SLCO2B1: variants seen among roughly 807,000 people sequenced by gnomAD.
The protein encoded by SLCO2B1 is OATP-RP2.
A neutral mutation model predicts 67.3 loss-of-function variants in SLCO2B1; 41 were observed. The ratio of observed to expected loss-of-function variants is 0.61; its 90% confidence interval spans 0.47 to 0.79. The LOEUF is 0.79. Ranked by LOEUF, SLCO2B1 falls within the 30% of genes least tolerant of loss-of-function variation. The pLI, the probability that SLCO2B1 is intolerant of heterozygous loss-of-function variation, is 0.00. For synonymous variants in SLCO2B1, 379 were observed against 381.4 expected (o/e 0.99, Z 0.07); for missense variants, 837 against 920.1 (o/e 0.91, Z 1.17).
In SLCO2B1 at chr11:75,193,247, C is replaced by T. The variant is rs543049597; in HGVS notation, c.1105C>T (p.Arg369Cys). 44 of 1,613,028 alleles carry T rather than the reference C, an allele frequency of 2.7e-5. No individual in the cohort carries two copies. Among genetic ancestry groups the T allele is most frequent in the African/African-American group, 1.3e-4 (10 of 75,038 alleles). ...VFPRVLLQTL[R>C]HPIFLLVVLS... ...CCCCAGGGTGCTGCTGCAGACCCTA[C>T]GCCACCCCATCTTCCTGCTGGTGGT... The change falls in exon 9 of 14, where the codon CGC becomes TGC. Residue 369 changes from arginine (R) to cysteine (C), a missense_variant. Physicochemically the swap from Arg to Cys is radical, Grantham distance 180. Coordinates refer to ENST00000289575, the MANE Select transcript of SLCO2B1 (RefSeq NM_007256.5). This position sits in a 1 kb window ranked among gnomAD's most constrained non-coding sequence, Gnocchi z 4.2.
chr11:75,157,644 CTA>C (rs1949763212), intron 1 of SLCO2B1, among the ~76,000 whole-genome samples: 2 of 152,144 alleles, frequency 1.3e-5, no homozygotes, highest in Admixed American at 1.3e-4. Context: ...CAAGGGCCAC[CTA>C]TATGCCAGGC....
chr11:75,190,887 G>A (rs527767550), intron 8 of SLCO2B1, among the ~76,000 whole-genome samples: 1 of 152,340 alleles, frequency 6.6e-6, no homozygotes, highest in East Asian at 1.9e-4. Context: ...GGGAAGCCCT[G>A]TCTCATGGCA....
At chr11:75,190,136 C>G (rs967242022) in intron 8 of SLCO2B1, among the ~76,000 whole-genome samples, 19 of 152,222 alleles carry the variant, frequency 1.2e-4, no homozygotes, top group Non-Finnish European at 1.5e-5. Flanking sequence ...GTCCCCGGCA[C>G]TCTGCGCTGC....
chr11:75,200,091 C>G, intron 10 of SLCO2B1, 133 bp from the exon 11 acceptor site: 2 of 894,590 alleles, frequency 2.2e-6, no homozygotes, highest in Non-Finnish European at 3.3e-6. Flanking sequence ...GTCACGATCT[C>G]GGACTCCCAG....
rs12422149 is a variant in SLCO2B1, at chr11:75,172,532, G to A, written c.935G>A (p.Arg312Gln). 201,187 of 1,613,902 alleles carry A rather than the reference G, an allele frequency of 0.12. 17,529 individuals are homozygous for A. The highest frequency in any genetic ancestry group is 0.39 in the Admixed American group (23,279 of 59,996). ...GAAAAACGTGAGCTTCAGTTTCGGC[G>A]AAAGGTCTTAGCAGTCACAGACTCA... ...PKEKRELQFR[R>Q]KVLAVTDSPA... The change falls in exon 7 of 14, where the codon CGA becomes CAA. Residue 312 changes from arginine (R) to glutamine (Q), a missense_variant. Arg to Gln is a conservative substitution (Grantham distance 43, BLOSUM62 1). Transcript: ENST00000289575.
At chr11:75,162,882 C>G in intron 2 of SLCO2B1, 97 bp downstream of exon 2, 1 of 1,389,216 alleles carries the variant, frequency 7.2e-7, no homozygotes, top group Non-Finnish European at 9.8e-7. Context: ...CTCTGAGCCT[C>G]GGTTTCCTCA....
intron 7 of SLCO2B1, among the ~76,000 whole-genome samples, chr11:75,186,740 C>A (rs1021198732): frequency 2.6e-5 from 4 of 152,226 alleles, no homozygotes; most frequent in Non-Finnish European, 4.4e-5. Context: ...ACTCCACTTG[C>A]CCACTTGTAT....
chr11:75,196,483 G>T, intron 9 of SLCO2B1, 31 bp from the exon 10 acceptor site: 1 of 1,603,280 alleles, frequency 6.2e-7, no homozygotes, highest in Non-Finnish European at 8.5e-7. Context: ...AGGGAAGCCA[G>T]GCCAACCCTA....
chr11:75,180,290 T>G (rs943742234), intron 7 of SLCO2B1, among the ~76,000 whole-genome samples: 1 of 152,248 alleles, frequency 6.6e-6, no homozygotes, highest in Non-Finnish European at 1.5e-5. Context: ...GTGTCTTAGC[T>G]ATTTTTAAGT....
intron 11 of SLCO2B1, chr11:75,201,768 T>C (rs1394897976): frequency 6.6e-6 from 1 of 152,254 alleles, no homozygotes; most frequent in Non-Finnish European, 1.5e-5. Context: ...TTTCATGCCC[T>C]CCCTGGCTGC....
chr11:75,151,446 A>G (rs1949686981), intron 1 of SLCO2B1, 49 bp downstream of exon 1: 1 of 1,604,240 alleles, frequency 6.2e-7, no homozygotes. Flanking sequence ...AGCCTGGGGG[A>G]CATGTTCCCA....
chr11:75,175,830 C>T (rs927210635), intron 7 of SLCO2B1, among the ~76,000 whole-genome samples: 73 of 152,292 alleles, frequency 4.8e-4, no homozygotes, highest in African/African-American at 1.8e-3. Flanking sequence ...AATGACAGCT[C>T]AGATTTCTCC....
chr11:75,154,950 G>A lies in SLCO2B1; in HGVS notation c.16+3553G>A, dbSNP rs369950821. Among the ~76,000 whole-genome samples, 74 of 152,312 alleles carry A rather than the reference G, an allele frequency of 4.9e-4. 1 individual carries two copies. In the South Asian group the frequency reaches 9.7e-3, roughly 20 times the overall value. On this transcript the variant is annotated intron_variant, in intron 1 of 13. Coordinates refer to ENST00000289575, the MANE Select transcript of SLCO2B1 (RefSeq NM_007256.5). Reference sequence around the variant, plus strand: ...TTGAGCCATAGCTGCCTATCTCTGAGCCTCTGGCTCCTTGTTTTAGGCATA... The same window carrying A: ...TTGAGCCATAGCTGCCTATCTCTGAACCTCTGGCTCCTTGTTTTAGGCATA...
At chr11:75,200,570 T>C (rs1272317212) in intron 11 of SLCO2B1, 183 bp downstream of exon 11, 18 of 532,406 alleles carry the variant, frequency 3.4e-5, no homozygotes, top group Non-Finnish European at 5.7e-5. Flanking sequence ...CTCCCCATCT[T>C]GCAGATAAGA....
chr11:75,153,618 C>G (rs1187667569), intron 1 of SLCO2B1, among the ~76,000 whole-genome samples: 4 of 152,122 alleles, frequency 2.6e-5, no homozygotes, highest in African/African-American at 9.7e-5. Context: ...TGAGCATGGC[C>G]AGGGAAGGAG....
At chr11:75,175,132 A>C (rs1011928540) in intron 7 of SLCO2B1, among the ~76,000 whole-genome samples, 1 of 151,928 alleles carries the variant, frequency 6.6e-6, no homozygotes, top group African/African-American at 2.4e-5. Context: ...GGGGATGGGG[A>C]GTGGGGAGGG....
intron 4 of SLCO2B1, among the ~76,000 whole-genome samples, 159 bp downstream of exon 4, chr11:75,166,108 A>C (rs867627): frequency 0.058 from 8,839 of 152,064 alleles, 884 homozygotes; most frequent in African/African-American, 0.2. Context: ...CCCAGGCCCC[A>C]GCCCAGGTGG....
chr11:75,164,637 C>T (rs1397085638), intron 3 of SLCO2B1, among the ~76,000 whole-genome samples: 1 of 152,048 alleles, frequency 6.6e-6, no homozygotes, highest in East Asian at 1.9e-4. Flanking sequence ...TCCAGCTGTG[C>T]CCCAGTCCTT....
chr11:75,164,170 C>T, intron 3 of SLCO2B1, 70 bp downstream of exon 3: 1 of 1,504,622 alleles, frequency 6.6e-7, no homozygotes, highest in Non-Finnish European at 9.0e-7. Flanking sequence ...ACCAGCCTCC[C>T]CTCTCACTAC....
Sources: allele counts gnomAD v4.1 joint callset (sites outside exome capture counted in the v4.1 genomes callset), GRCh38; gene constraint gnomAD v4.1.1; non-coding constraint Gnocchi (gnomAD v3.1); transcripts MANE v1.5; gene names NCBI Gene and HGNC (gene_info 2026-07-23, HGNC 2026-07-21).